Variants in CHD8 observed in about 807,000 individuals in gnomAD.
CHD8 encodes the protein chromodomain helicase DNA binding protein 8.
Under a neutral mutation model 279.2 loss-of-function variants are expected in CHD8, and 31 were observed. The observed-to-expected ratio is 0.11, with a 90% CI of 0.08 to 0.15. The LOEUF is 0.15. Ranked by LOEUF, CHD8 falls within the 10% of genes least tolerant of loss-of-function variation. The probability of loss-of-function intolerance (pLI) is 1.00; values close to 1 mark genes in which losing one functional copy is unlikely to be tolerated. For synonymous variants in CHD8, 1,081 were observed against 1,139.6 expected (o/e 0.95, Z 1.04); for missense variants, 2,146 against 3,230.5 (o/e 0.66, Z 8.14).
At chr14:21,411,083 C>T (rs1220482281) in intron 10 of CHD8, among the ~76,000 whole-genome samples, 1 of 152,152 alleles carries the variant, frequency 6.6e-6, no homozygotes, top group African/African-American at 2.4e-5. Context: ...TATCATCTGT[C>T]ACGTCATTTG....
chr14:21,393,995 G>A lies in CHD8; in HGVS notation c.5800C>T (p.Leu1934=). 6.2e-7 allele frequency: 1 copy of A among 1,613,930 alleles called. No individual in the cohort carries two copies. Among genetic ancestry groups the A allele is most frequent in the Non-Finnish European group, 8.5e-7 (1 of 1,179,872 alleles). ...WEPVRHDGEL[L]RGAARHGVSQ... ...ACCCCATGGCGGGCTGCCCCTCTTA[G>A]AAGCTCCCCATCATGCCGAACAGGC... is the stretch of plus-strand genomic sequence containing the variant. The change falls in exon 32 of 38, where the codon CTA becomes TTA. Residue 1934 remains leucine (L), a synonymous_variant. Coordinates refer to ENST00000646647, the MANE Select transcript of CHD8 (RefSeq NM_001170629.2).
Position 21,429,327 on chromosome 14 carries a change from C to T in CHD8, c.852G>A (p.Ser284=), listed in dbSNP as rs765203840. ...TLTSTPTQGE[S]KRITLVLQQP... ...GCTGGAGGACCAGGGTGATGCGTTTCGATTCACCCTAAAGTGAAGAAAGGA... is the reference window on the plus strand; with the variant it reads ...GCTGGAGGACCAGGGTGATGCGTTTTGATTCACCCTAAAGTGAAGAAAGGA... Residue 284 remains serine (S), a synonymous_variant, in exon 3 of 38, where the codon TCG becomes TCA. Coordinates refer to ENST00000646647, the MANE Select transcript of CHD8 (RefSeq NM_001170629.2). 2.8e-5 allele frequency: 45 copies of T among 1,601,788 alleles called. No individual in the cohort carries two copies. The highest frequency in any genetic ancestry group is 2.2e-4 in the East Asian group (10 of 44,664).
At chr14:21,399,076 A>T (rs1194376025) in intron 26 of CHD8, 1 of 355,994 alleles carries the variant, frequency 2.8e-6, no homozygotes, top group African/African-American at 2.2e-5. Context: ...AAACAGTTGG[A>T]GGATGGCCGT....
At chr14:21,423,947 A>G (rs937940555) in intron 5 of CHD8, among the ~76,000 whole-genome samples, 3 of 152,204 alleles carry the variant, frequency 2.0e-5, no homozygotes, top group Admixed American at 2.0e-4. Context: ...AAAAGAACCC[A>G]AGAAATCTGG....
intron 1 of CHD8, among the ~76,000 whole-genome samples, chr14:21,452,817 C>G (rs1416560092): frequency 6.6e-6 from 1 of 151,540 alleles, no homozygotes; most frequent in African/African-American, 2.4e-5. Flanking sequence ...AACCCTGTCT[C>G]TACTAAAAAT....
chr14:21,430,499 T>G lies in CHD8; in HGVS notation c.843+302A>C, dbSNP rs142006482. The G allele has an allele frequency of 1.2e-3, 340 of 286,084 alleles. 2 individuals carry two copies. Among genetic ancestry groups the G allele is most frequent in the African/African-American group, 6.6e-3 (316 of 47,584 alleles). The allele number at this position is 286,084 out of a possible 1,614,324, so 17.7% of individuals were successfully genotyped here. A position where few individuals can be genotyped will look rare whatever the true frequency, so the allele number is the denominator to read the frequency against. On this transcript the variant is annotated intron_variant, in intron 2 of 37. Coordinates refer to ENST00000646647, the MANE Select transcript of CHD8 (RefSeq NM_001170629.2). The stretch of plus-strand genomic sequence containing the variant: ...TTTGTATCACACAATTATTGTGAAC[T>G]CTTGCTTAATATCTGTCTTTCCTGG...
rs1594379704 is a variant in CHD8 at position 21,431,251 on chromosome 14, T to C, written c.393A>G (p.Gln131=). ...CAGAGACACCCATGAAAGGATTCCC[T>C]TGGCTCAGGATCTCCTGGCTCTTGG... is the stretch of plus-strand genomic sequence containing the variant. ...QVSKSQEILS[Q]GNPFMGVSAT... The change falls in exon 2 of 38, where the codon CAA becomes CAG. Residue 131 remains glutamine, a synonymous_variant. Coordinates refer to ENST00000646647, the MANE Select transcript of CHD8 (RefSeq NM_001170629.2). The C allele has an allele frequency of 1.3e-6, 2 of 1,596,688 alleles. No individual in the cohort carries two copies. Among genetic ancestry groups the C allele is most frequent in the Non-Finnish European group, 1.7e-6 (2 of 1,178,592 alleles).
At chr14:21,441,627 G>A (rs1053938122) in intron 1 of CHD8, among the ~76,000 whole-genome samples, 8 of 151,948 alleles carry the variant, frequency 5.3e-5, no homozygotes, top group Non-Finnish European at 7.4e-5. Flanking sequence ...GGTGGCTCAT[G>A]CCTGTAATCC....
intron 5 of CHD8, among the ~76,000 whole-genome samples, chr14:21,418,587 G>A (rs1194404468): frequency 6.6e-6 from 1 of 152,144 alleles, no homozygotes; most frequent in Admixed American, 6.5e-5. Flanking sequence ...AGGCCAAGGT[G>A]GGCATATCAT....
rs1220487193 is a variant in CHD8 at position 21,405,004 on chromosome 14, G to C, written c.3307+205C>G. ...CTGCCATCACACCTGGCTAATTTTTGTATTTTTTGTAGAGGTGGGATTTCA... is the reference window on the plus strand; with the variant it reads ...CTGCCATCACACCTGGCTAATTTTTCTATTTTTTGTAGAGGTGGGATTTCA... On this transcript the variant is annotated intron_variant, in intron 16 of 37. Transcript: ENST00000646647. This position sits in a 1 kb window ranked among gnomAD's most constrained non-coding sequence, Gnocchi z 4.2. 8 of 563,128 alleles carry C rather than the reference G, an allele frequency of 1.4e-5. No homozygotes were observed. Among genetic ancestry groups the C allele is most frequent in the Non-Finnish European group, 3.1e-6 (1 of 321,134 alleles). The allele number at this position is 563,128 out of a possible 1,614,324, so 34.9% of individuals were successfully genotyped here. A position where few individuals can be genotyped will look rare whatever the true frequency, so the allele number is the denominator to read the frequency against.
chr14:21,444,959 T>A (rs1356697048), intron 1 of CHD8, among the ~76,000 whole-genome samples: 3 of 152,134 alleles, frequency 2.0e-5, no homozygotes, highest in Admixed American at 2.0e-4. Flanking sequence ...CTTGGTAGAC[T>A]CTCCAGTTCC....
intron 1 of CHD8, among the ~76,000 whole-genome samples, chr14:21,444,337 C>T (rs923556732): frequency 6.6e-6 from 1 of 152,158 alleles, no homozygotes; most frequent in Non-Finnish European, 1.5e-5. Flanking sequence ...GGTCACTACC[C>T]AGATTAATGG....
intron 2 of CHD8, chr14:21,429,621 A>G (rs893154688): frequency 4.1e-6 from 2 of 486,464 alleles, no homozygotes; most frequent in Admixed American, 2.6e-5. Context: ...AACCTGGGCC[A>G]ATTCATCCCT....
intron 26 of CHD8, 145 bp from the exon 27 acceptor site, chr14:21,398,097 G>A (rs1008771165): frequency 4.4e-6 from 3 of 679,686 alleles, no homozygotes; most frequent in Non-Finnish European, 6.9e-6. Context: ...ACAACTACTG[G>A]GTTTATTACT....
chr14:21,385,993 A>C lies in CHD8; in HGVS notation c.7366T>G (p.Ser2456Ala), dbSNP rs1240130469. ...CTGCTGTGACCCAAAGATGACACAG[A>C]CTGTAGGCCACTACTGCTGTGTTGG... ...TFQHSSSGLQ[S>A]VSSLGHSSAT... is the part of the protein sequence containing the mutation. The change falls in exon 38 of 38, where the codon TCT becomes GCT. Residue 2456 changes from serine (S) to alanine (A), a missense_variant. By Grantham distance (99) the Ser-to-Ala change is moderately conservative. Around this residue, in one of 26 missense-constraint regions of CHD8, gnomAD observed 336 missense variants for 392.9 expected, o/e 0.86. Coordinates refer to ENST00000646647, the MANE Select transcript of CHD8 (RefSeq NM_001170629.2). The C allele has an allele frequency of 6.3e-7, 1 of 1,584,684 alleles. No individual in the cohort carries two copies. Among genetic ancestry groups the C allele is most frequent in the Non-Finnish European group, 8.6e-7 (1 of 1,164,802 alleles).
rs199908540 is a variant in CHD8 at position 21,394,393 on chromosome 14, C to T, written c.5483G>A (p.Arg1828His). The T allele has an allele frequency of 5.4e-4, 868 of 1,613,692 alleles. 1 individual carries two copies. Among genetic ancestry groups the T allele is most frequent in the Non-Finnish European group, 7.0e-4 (831 of 1,179,834 alleles). ...DPDTMQFHWDRFRTFARLDKK... is the reference protein window; with the variant it reads ...DPDTMQFHWDHFRTFARLDKK... ...GTCTAGTCGAGCAAAAGTGCGGAAG[C>T]GATCCCAATGGAACTGCATGGTGTC... is the stretch of plus-strand genomic sequence containing the variant. The change falls in exon 31 of 38, where the codon CGC becomes CAC. Residue 1828 changes from arginine to histidine, a missense_variant. Transcript: ENST00000646647.
At position 21,408,641 on chromosome 14, in the gene CHD8, A is replaced by G. The variant is rs1486531098; in HGVS notation, c.2486+63T>C. The G allele has an allele frequency of 1.9e-6, 3 of 1,570,400 alleles. No homozygotes were observed. In the South Asian group the frequency reaches 3.5e-5, roughly 19 times the overall value. On this transcript the variant is annotated intron_variant, in intron 12 of 37. Transcript: ENST00000646647. This position sits in a 1 kb window ranked among gnomAD's most constrained non-coding sequence, Gnocchi z 4.3. ...GTATGTAGGAAGAAATTGTTTCAAT[A>G]GAAAACAAATAAAAATAATCCCAGA...
In CHD8 at chr14:21,391,926, T is replaced by C. The variant is rs1887561502; in HGVS notation, c.6792A>G (p.Thr2264=). Residue 2264 remains threonine, a synonymous_variant, in exon 35 of 38, where the codon ACA becomes ACG. Coordinates refer to ENST00000646647, the MANE Select transcript of CHD8 (RefSeq NM_001170629.2). ...QIKDEEGLKL[T]FQKHKLMANG... ...TCGCCATCAACTTGTGCTTCTGGAA[T>C]GTTAACTTCAATCCTTCCTCCTAGG... 4 of 1,613,674 alleles carry C rather than the reference T, an allele frequency of 2.5e-6. No individual in the cohort carries two copies. Among genetic ancestry groups the C allele is most frequent in the Non-Finnish European group, 3.4e-6 (4 of 1,179,570 alleles).
chr14:21,415,759 TCTGGTTCTTGCA>T lies in CHD8; in HGVS notation c.1853_1864del (p.Val618_Pro621del). ...CTGCATGGAAGGCAAAGTCTCGCCATCTGGTTCTTGCACTGGTTCAGGGAGGATAGGCTCAGG... is the reference window on the plus strand; with the variant it reads ...CTGCATGGAAGGCAAAGTCTCGCCATCTGGTTCAGGGAGGATAGGCTCAGG... On this transcript the variant is annotated inframe_deletion, in exon 6 of 38. Transcript: ENST00000646647. 1 of 1,613,882 alleles carries T rather than the reference TCTGGTTCTTGCA, an allele frequency of 6.2e-7. No individual in the cohort carries two copies. Among genetic ancestry groups the T allele is most frequent in the Non-Finnish European group, 8.5e-7 (1 of 1,179,806 alleles).
Sources: gnomAD v4.1 joint callset for allele counts (sites outside exome capture counted in the v4.1 genomes callset) on GRCh38, gnomAD v4.1.1 for gene constraint, gnomAD v4.1.1 regional missense constraint, Gnocchi (gnomAD v3.1) non-coding constraint, MANE v1.5 for transcripts, NCBI Gene and HGNC (gene_info 2026-07-23, HGNC 2026-07-21) for gene names.